The following GFRAL variants were observed in gnomAD, a reference collection of about 807,000 sequenced individuals.
GFRAL encodes GDNF family receptor alpha-like.
In GFRAL, 36 loss-of-function variants were observed where a neutral mutation model predicts 45.4. That is an observed-to-expected ratio of 0.79 (90% confidence interval 0.61 to 1.05). The LOEUF is 1.05. Ranked by LOEUF, GFRAL falls within the 50% of genes least tolerant of loss-of-function variation. GFRAL has a pLI of 0.00. For synonymous variants in GFRAL, 166 were observed against 154.1 expected (o/e 1.08, Z -0.57); for missense variants, 507 against 467.5 (o/e 1.08, Z -0.78).
At chr6:55,366,294 T>C (rs1254699516) in intron 6 of GFRAL, among the ~76,000 whole-genome samples, 1 of 152,140 alleles carries the variant, frequency 6.6e-6, no homozygotes, top group African/African-American at 2.4e-5. Flanking sequence ...ACATCCCCTT[T>C]ATCATTTTTT....
At chr6:55,348,007 T>C (rs1768065945) in intron 3 of GFRAL, among the ~76,000 whole-genome samples, 1 of 152,176 alleles carries the variant, frequency 6.6e-6, no homozygotes, top group Admixed American at 6.6e-5. Flanking sequence ...TAGTTTCTGA[T>C]ATTATCAATG....
rs545941756 is a variant in GFRAL at position 55,344,389 on chromosome 6, C to T, written c.317-5703C>T. 3.0e-3 allele frequency among the ~76,000 whole-genome samples: 461 copies of T among 152,170 alleles called. 3 individuals carry two copies. The highest frequency in any genetic ancestry group is 0.01 in the African/African-American group (432 of 41,504). On this transcript the variant is annotated intron_variant, in intron 3 of 8. Coordinates refer to ENST00000340465, the MANE Select transcript of GFRAL (RefSeq NM_207410.2). The stretch of plus-strand genomic sequence containing the variant: ...GGATTCAAGGCTGGTTCAAAGCATA[C>T]GCAAATCAATAAACATAACCCAGCA...
At chr6:55,344,360 C>G (rs1338866997) in intron 3 of GFRAL, among the ~76,000 whole-genome samples, 1 of 152,112 alleles carries the variant, frequency 6.6e-6, no homozygotes, top group Admixed American at 6.5e-5. Context: ...GGGCTTCATC[C>G]CTGGGATTCA....
intron 3 of GFRAL, among the ~76,000 whole-genome samples, chr6:55,348,605 C>T (rs562947433): frequency 2.0e-5 from 3 of 152,132 alleles, no homozygotes; most frequent in East Asian, 1.9e-4. Flanking sequence ...ATTTTCCCTG[C>T]GTTCTCAGGA....
At chr6:55,365,915 T>C (rs2127359206) in intron 6 of GFRAL, among the ~76,000 whole-genome samples, 1 of 146,660 alleles carries the variant, frequency 6.8e-6, no homozygotes, top group South Asian at 2.2e-4. Context: ...TTTTGTTGTG[T>C]CCCTGCCTGG....
intron 6 of GFRAL, among the ~76,000 whole-genome samples, chr6:55,374,191 A>G (rs1013478220): frequency 1.3e-5 from 2 of 152,186 alleles, no homozygotes; most frequent in African/African-American, 4.8e-5. Context: ...ACTATTGTGA[A>G]TAGTGCTGCA....
intron 6 of GFRAL, among the ~76,000 whole-genome samples, chr6:55,383,300 G>A (rs1768636461): frequency 6.6e-6 from 1 of 151,864 alleles, no homozygotes; most frequent in African/African-American, 2.4e-5. Flanking sequence ...ACAATTTCTT[G>A]AGGACATTTT....
chr6:55,359,429 A>G (rs749178555), intron 6 of GFRAL, among the ~76,000 whole-genome samples: 1 of 152,054 alleles, frequency 6.6e-6, no homozygotes, highest in Non-Finnish European at 1.5e-5. Flanking sequence ...AGATAAATGG[A>G]TATATCAAGT....
At chr6:55,360,507 GC>G (rs1768259253) in intron 6 of GFRAL, among the ~76,000 whole-genome samples, 1 of 151,782 alleles carries the variant, frequency 6.6e-6, no homozygotes, top group Non-Finnish European at 1.5e-5. Context: ...TAGCCAATGT[GC>G]TAAAAATTGT....
intron 3 of GFRAL, among the ~76,000 whole-genome samples, chr6:55,336,251 T>C (rs1581899046): frequency 6.6e-6 from 1 of 152,312 alleles, no homozygotes; most frequent in East Asian, 1.9e-4. Context: ...GCCACTTCTT[T>C]GTCTTTCCAT....
At chr6:55,328,335 G>C (rs1010804865) in intron 1 of GFRAL, among the ~76,000 whole-genome samples, 3 of 151,888 alleles carry the variant, frequency 2.0e-5, no homozygotes, top group Non-Finnish European at 4.4e-5. Flanking sequence ...ACTGTAGCTA[G>C]ATTGTAATTT....
chr6:55,384,863 C>CAAAAAA (rs34292413), intron 6 of GFRAL, among the ~76,000 whole-genome samples: 95 of 140,500 alleles, frequency 6.8e-4, no homozygotes, highest in Non-Finnish European at 1.3e-3. Context: ...CAAAAAGCAG[C>CAAAAAA]AAAAAAAAAA....
chr6:55,369,285 C>T (rs907226435), intron 6 of GFRAL, among the ~76,000 whole-genome samples: 7 of 152,190 alleles, frequency 4.6e-5, no homozygotes, highest in Non-Finnish European at 8.8e-5. Context: ...GAGGCAATGC[C>T]TCGCCCTGCT....
At chr6:55,386,312 AT>A (rs1581758617) in intron 6 of GFRAL, among the ~76,000 whole-genome samples, 2 of 152,136 alleles carry the variant, frequency 1.3e-5, no homozygotes, top group South Asian at 2.1e-4. Context: ...AAAACTGCAT[AT>A]TTTTTTAGCA....
intron 5 of GFRAL, among the ~76,000 whole-genome samples, chr6:55,355,630 T>C (rs1275032214): frequency 6.6e-6 from 1 of 151,940 alleles, no homozygotes; most frequent in Non-Finnish European, 1.5e-5. Flanking sequence ...CTTGGTGGAG[T>C]CTTTGGGTCT....
intron 5 of GFRAL, among the ~76,000 whole-genome samples, chr6:55,356,017 G>A (rs536244497): frequency 1.4e-5 from 2 of 145,418 alleles, no homozygotes; most frequent in Admixed American, 7.3e-5. Flanking sequence ...TTGATATGAT[G>A]TATCAAACTG....
intron 5 of GFRAL, among the ~76,000 whole-genome samples, 153 bp downstream of exon 5, chr6:55,351,736 T>G (rs1046284943): frequency 2.0e-5 from 3 of 152,114 alleles, no homozygotes; most frequent in African/African-American, 7.2e-5. Context: ...TTTTTGAATC[T>G]GTGGTACATA....
chr6:55,345,171 CA>C (rs1768021327), intron 3 of GFRAL, among the ~76,000 whole-genome samples: 1 of 152,142 alleles, frequency 6.6e-6, no homozygotes, highest in East Asian at 1.9e-4. Flanking sequence ...TGACTTCCTT[CA>C]CAGAATTGGA....
chr6:55,377,558 G>T (rs1279445324), intron 6 of GFRAL, among the ~76,000 whole-genome samples: 1 of 151,894 alleles, frequency 6.6e-6, no homozygotes, highest in Non-Finnish European at 1.5e-5. Context: ...GATTTTTAGG[G>T]GCCAGTCATA....
Sources: gnomAD v4.1 joint callset for allele counts (sites outside exome capture counted in the v4.1 genomes callset) on GRCh38, gnomAD v4.1.1 for gene constraint, MANE v1.5 for transcripts, NCBI Gene and HGNC (gene_info 2026-07-23, HGNC 2026-07-21) for gene names.